Variants in EYS observed in about 807,000 individuals in gnomAD.
EYS encodes EGF-like photoreceptor maintenance factor, also known as protein eyes shut homolog.
A neutral mutation model predicts 282.1 loss-of-function variants in EYS; 250 were observed. That is an observed-to-expected ratio of 0.89 (90% CI 0.80 to 0.98). The LOEUF (loss-of-function observed/expected upper bound fraction) is 0.98. EYS is among the 50% of genes least tolerant of loss of function. The probability of loss-of-function intolerance (pLI) is 0.00; values close to 1 mark genes in which losing one functional copy is unlikely to be tolerated. For missense variants in EYS, 4,016 were observed against 3,709.0 expected, an observed-to-expected ratio of 1.08 and a Z score of -2.15; for synonymous variants, 1,355 against 1,282.9, an observed-to-expected ratio of 1.06 and a Z score of -1.20.
rs183334949 is a variant in EYS, at chr6:65,095,241, G to T, written c.2024-37514C>A. ...CTGCAGAAGTAAACAGTAAAAGGGTGGTACCAGAGGCCGTAGTATTGGGGG... is the reference window on the plus strand; with the variant it reads ...CTGCAGAAGTAAACAGTAAAAGGGTTGTACCAGAGGCCGTAGTATTGGGGG... On this transcript the variant is annotated intron_variant, in intron 12 of 42. Coordinates refer to ENST00000503581, the MANE Select transcript of EYS (RefSeq NM_001142800.2). Among the ~76,000 whole-genome samples, 55 of 151,288 alleles carry T rather than the reference G, an allele frequency of 3.6e-4. 2 individuals are homozygous for T. In the South Asian group the frequency reaches 0.011, roughly 30 times the overall value.
At chr6:65,127,030 GA>G (rs1775738663) in intron 12 of EYS, among the ~76,000 whole-genome samples, 1 of 152,040 alleles carries the variant, frequency 6.6e-6, no homozygotes, top group Non-Finnish European at 1.5e-5. Context: ...ATAGAAAAAG[GA>G]ACACTGTGCC....
At chr6:64,141,335 A>G (rs1774331062) in intron 31 of EYS, among the ~76,000 whole-genome samples, 1 of 152,236 alleles carries the variant, frequency 6.6e-6, no homozygotes, top group Admixed American at 6.5e-5. Flanking sequence ...GGCAGGAATA[A>G]AGTGATATTT....
intron 10 of EYS, among the ~76,000 whole-genome samples, chr6:65,342,282 T>C (rs9354229): frequency 0.12 from 18,099 of 151,040 alleles, 1,718 homozygotes; most frequent in African/African-American, 0.25. Flanking sequence ...TGTCCTCAAA[T>C]TGTCTGATTA....
At chr6:65,567,682 C>A (rs979914275) in intron 2 of EYS, among the ~76,000 whole-genome samples, 2 of 152,054 alleles carry the variant, frequency 1.3e-5, no homozygotes, top group Non-Finnish European at 2.9e-5. Context: ...ATGTTAACCT[C>A]TAGTTTTCAG....
rs77389164 is a variant in EYS, at chr6:64,681,497, T to C, written c.3444-55252A>G. ...GTAGCTCAAAATGCTACAATTTAGG[T>C]AGTTAGGCAGTTAGACAGGCATGAG... On this transcript the variant is annotated intron_variant, in intron 22 of 42. Coordinates refer to ENST00000503581, the MANE Select transcript of EYS (RefSeq NM_001142800.2). 7.4e-3 allele frequency among the ~76,000 whole-genome samples: 1,120 copies of C among 152,046 alleles called. 18 individuals are homozygous for C. The highest frequency in any genetic ancestry group is 0.026 in the African/African-American group (1,059 of 41,464).
At chr6:64,804,556 T>C (rs1316562760) in intron 22 of EYS, among the ~76,000 whole-genome samples, 1 of 152,170 alleles carries the variant, frequency 6.6e-6, no homozygotes, top group Non-Finnish European at 1.5e-5. Context: ...TACTTTTTTT[T>C]CCTTCATTTT....
intron 9 of EYS, among the ~76,000 whole-genome samples, chr6:65,352,537 G>A (rs1400655084): frequency 4.6e-5 from 7 of 151,826 alleles, no homozygotes; most frequent in Admixed American, 3.9e-4. Context: ...ACATATATGG[G>A]AACACAAGTG....
chr6:64,151,317 T>TTATATATATATATATATATATATATTTA (rs1774704684), intron 31 of EYS, among the ~76,000 whole-genome samples: 2 of 52,470 alleles, frequency 3.8e-5, no homozygotes, highest in African/African-American at 1.9e-4. Context: ...GTGTGTATAT[T>TTATATATATATATATATATATATATTTA]TATATATATA....
chr6:64,424,129 G>C (rs1350790625), intron 28 of EYS, among the ~76,000 whole-genome samples: 1 of 152,092 alleles, frequency 6.6e-6, no homozygotes, highest in Non-Finnish European at 1.5e-5. Flanking sequence ...TATAAAGTTT[G>C]ACTCAAAAGT....
chr6:63,798,987 G>GTATATATATATATATATA (rs56290982), intron 37 of EYS, among the ~76,000 whole-genome samples: 3 of 85,754 alleles, frequency 3.5e-5, no homozygotes, highest in East Asian at 3.5e-4. Flanking sequence ...GTATATGTGT[G>GTATATATATATATATATA]TATATATATA....
intron 5 of EYS, among the ~76,000 whole-genome samples, chr6:65,411,224 T>C (rs1766999862): frequency 6.6e-6 from 1 of 152,042 alleles, no homozygotes; most frequent in South Asian, 2.1e-4. Context: ...AATATAAAAA[T>C]ATACAAAAAC....
chr6:64,206,184 A>G (rs958091826), intron 31 of EYS, among the ~76,000 whole-genome samples: 1 of 152,184 alleles, frequency 6.6e-6, no homozygotes, highest in Non-Finnish European at 1.5e-5. Context: ...ATTCTATTTT[A>G]TATTTAATGT....
chr6:64,475,897 C>G (rs1776251345), intron 26 of EYS, among the ~76,000 whole-genome samples: 1 of 152,128 alleles, frequency 6.6e-6, no homozygotes, highest in African/African-American at 2.4e-5. Flanking sequence ...AGCTATCTTC[C>G]CACCTCAGCC....
intron 14 of EYS, among the ~76,000 whole-genome samples, chr6:64,990,852 A>G (rs572475074): frequency 1.3e-5 from 2 of 151,642 alleles, no homozygotes; most frequent in Non-Finnish European, 3.0e-5. Flanking sequence ...TTGTTTACTC[A>G]GGTGAATCAA....
intron 31 of EYS, among the ~76,000 whole-genome samples, chr6:64,115,854 C>A (rs1773365532): frequency 6.6e-6 from 1 of 152,108 alleles, no homozygotes; most frequent in South Asian, 2.1e-4. Context: ...AAGTGGAGAT[C>A]TATGAATTTC....
chr6:65,596,641 A>AT lies in EYS; in HGVS notation c.-333+43136dup, dbSNP rs1190087274. On this transcript the variant is annotated intron_variant, in intron 2 of 42. Coordinates refer to ENST00000503581, the MANE Select transcript of EYS (RefSeq NM_001142800.2). The stretch of plus-strand genomic sequence containing the variant: ...ATATTCTAGGTTAAATGCAGGAAGA[A>AT]TTTTTTTTTTTAAGTAAAGGTGCTT... Among the ~76,000 whole-genome samples, 630 of 148,866 alleles carry AT rather than the reference A, an allele frequency of 4.2e-3. 3 individuals are homozygous for AT. Among genetic ancestry groups the AT allele is most frequent in the African/African-American group, 0.014 (571 of 40,798 alleles).
At chr6:63,781,725 A>G (rs1023510816) in intron 39 of EYS, among the ~76,000 whole-genome samples, 2 of 152,112 alleles carry the variant, frequency 1.3e-5, no homozygotes, top group African/African-American at 4.8e-5. Context: ...TCTTTTCCTT[A>G]TTGAATTCCC....
chr6:64,027,672 T>A (rs1390574137), intron 33 of EYS, among the ~76,000 whole-genome samples: 1 of 152,154 alleles, frequency 6.6e-6, no homozygotes, highest in Non-Finnish European at 1.5e-5. Flanking sequence ...TAGGACACTT[T>A]AAAAAAGATT....
intron 31 of EYS, among the ~76,000 whole-genome samples, chr6:64,111,439 C>A (rs1382809414): frequency 1.3e-5 from 2 of 151,906 alleles, no homozygotes; most frequent in African/African-American, 4.8e-5. Flanking sequence ...CATGGCAGTG[C>A]GGATAAAAAG....
Sources: allele counts gnomAD v4.1 joint callset (sites outside exome capture counted in the v4.1 genomes callset), GRCh38; gene constraint gnomAD v4.1.1; transcripts MANE v1.5; gene names NCBI Gene and HGNC (gene_info 2026-07-23, HGNC 2026-07-21).